The following DPH6 variants were observed in gnomAD, a reference collection of about 807,000 sequenced individuals.
DPH6 encodes diphthamine biosynthesis 6, also known as diphthine--ammonia ligase.
DPH6 carries 33 observed loss-of-function variants against 38.2 expected under a neutral mutation model. The observed-to-expected ratio is 0.86, with a 90% CI of 0.65 to 1.15. The LOEUF is 1.15. Among genes scored for constraint, DPH6 ranks in the 50% most tolerant of loss-of-function variants. DPH6 has a pLI of 0.00. For missense variants in DPH6, 325 were observed against 320.0 expected (o/e 1.02, Z -0.12); for synonymous variants, 108 against 103.0 (o/e 1.05, Z -0.30).
rs577331103 is a variant in DPH6 at position 35,536,995 on chromosome 15, G to A, written c.312+1279C>T. 2.6e-5 allele frequency among the ~76,000 whole-genome samples: 4 copies of A among 152,086 alleles called. No individual in the cohort carries two copies. In the East Asian group the frequency reaches 7.7e-4, roughly 29 times the overall value. ...TACTTCTTATGCTATCTATAACTAAGCAGAAAATTTTGGAACTACTCTAAG... is the reference window on the plus strand; with the variant it reads ...TACTTCTTATGCTATCTATAACTAAACAGAAAATTTTGGAACTACTCTAAG... On this transcript the variant is annotated intron_variant, in intron 3 of 8. Transcript: ENST00000256538.
chr15:35,463,858 T>A (rs1244856531), intron 3 of DPH6, among the ~76,000 whole-genome samples: 3 of 152,182 alleles, frequency 2.0e-5, no homozygotes, highest in Non-Finnish European at 4.4e-5. Context: ...ATTCATATAT[T>A]TATCAAACAG....
chr15:35,146,966 ATC>A, the DPH6 span, among the ~76,000 whole-genome samples: 1 of 152,138 alleles, frequency 6.6e-6, no homozygotes, highest in African/African-American at 2.4e-5. Flanking sequence ...AACACTCCTG[ATC>A]TCTTTTTCTG....
At chr15:35,299,460 C>T (rs936643202) in intron 3 of DPH6, 5 of 770,586 alleles carry the variant, frequency 6.5e-6, no homozygotes, top group Admixed American at 1.7e-5. Context: ...GGTTTAATGC[C>T]GGCCCGCCCG....
chr15:35,394,733 A>G (rs1447292169), intron 6 of DPH6, among the ~76,000 whole-genome samples: 1 of 152,234 alleles, frequency 6.6e-6, no homozygotes, highest in African/African-American at 2.4e-5. Context: ...AGATGACAAT[A>G]GTACCAACCT....
intron 3 of DPH6, among the ~76,000 whole-genome samples, chr15:35,285,367 G>A (rs1237345378): frequency 6.6e-6 from 1 of 152,190 alleles, no homozygotes; most frequent in Admixed American, 6.5e-5. Context: ...AAACATGGGG[G>A]CGGGTCTTTC....
At chr15:35,215,928 C>T (rs984605379), downstream of DPH6, among the ~76,000 whole-genome samples, 1 of 152,220 alleles carries the variant, frequency 6.6e-6, no homozygotes, top group Non-Finnish European at 1.5e-5. Flanking sequence ...GTCTTAACTA[C>T]TAAGTCATAT....
intron 5 of DPH6, among the ~76,000 whole-genome samples, chr15:35,442,066 T>C (rs1285873594): frequency 1.3e-5 from 2 of 151,704 alleles, no homozygotes; most frequent in Admixed American, 6.6e-5. Flanking sequence ...ATGTTTATGC[T>C]TCAAAGGACA....
intron 3 of DPH6, among the ~76,000 whole-genome samples, chr15:35,305,552 G>T (rs1215671632): frequency 6.6e-6 from 1 of 151,910 alleles, no homozygotes; most frequent in African/African-American, 2.4e-5. Flanking sequence ...CTCTTGACTT[G>T]CCATAAAACC....
chr15:35,514,100 T>C (rs971189789), intron 3 of DPH6, among the ~76,000 whole-genome samples: 1 of 152,036 alleles, frequency 6.6e-6, no homozygotes, highest in African/African-American at 2.4e-5. Flanking sequence ...TTTGCATACA[T>C]AGTAGGGACT....
At chr15:35,161,072 ATGGC>A in the DPH6 span, among the ~76,000 whole-genome samples, 1 of 152,000 alleles carries the variant, frequency 6.6e-6, no homozygotes, top group Admixed American at 6.6e-5. Context: ...GCACACCAAC[ATGGC>A]ACATGTATAC....
intron 3 of DPH6, among the ~76,000 whole-genome samples, chr15:35,322,378 A>T (rs1342732380): frequency 6.6e-6 from 1 of 152,352 alleles, no homozygotes; most frequent in East Asian, 1.9e-4. Context: ...ACTATAAACT[A>T]AATTCCTCCC....
intron 3 of DPH6, among the ~76,000 whole-genome samples, chr15:35,483,725 A>G (rs113553577): frequency 0.02 from 3,090 of 152,320 alleles, 47 homozygotes; most frequent in Non-Finnish European, 0.028. Flanking sequence ...ACATGTCCAC[A>G]TAACTTATAT....
chr15:35,221,238 C>G (rs772625802), intron 3 of DPH6, among the ~76,000 whole-genome samples: 9 of 152,240 alleles, frequency 5.9e-5, no homozygotes, highest in Non-Finnish European at 1.2e-4. Context: ...TCTGCTCATG[C>G]AGCAGCTATC....
chr15:35,283,758 A>G (rs1432163018), intron 3 of DPH6, among the ~76,000 whole-genome samples: 10 of 48,374 alleles, frequency 2.1e-4, no homozygotes, highest in Admixed American at 1.9e-3. Context: ...CACAGATAGT[A>G]CACACACACA....
At chr15:35,170,391 T>C in the DPH6 span, among the ~76,000 whole-genome samples, 2 of 152,194 alleles carry the variant, frequency 1.3e-5, no homozygotes. Context: ...AAGCCCTTTC[T>C]GTAAAATGCT....
At chr15:35,174,907 T>TA in the DPH6 span, among the ~76,000 whole-genome samples, 2 of 151,640 alleles carry the variant, frequency 1.3e-5, no homozygotes, top group East Asian at 1.9e-4. Context: ...ATATGTAATT[T>TA]AAAAAATATG....
intron 6 of DPH6, among the ~76,000 whole-genome samples, chr15:35,385,221 G>C (rs1240935340): frequency 6.6e-6 from 1 of 152,104 alleles, no homozygotes; most frequent in Non-Finnish European, 1.5e-5. Context: ...GATTCCTCAA[G>C]GATCTAGAAT....
intron 5 of DPH6, among the ~76,000 whole-genome samples, chr15:35,428,933 T>C (rs1009128004): frequency 6.6e-5 from 10 of 152,126 alleles, no homozygotes; most frequent in African/African-American, 2.2e-4. Flanking sequence ...GTAGGAAATA[T>C]AGAAAAACAT....
At chr15:35,386,771 T>TGG (rs1435104880) in intron 6 of DPH6, among the ~76,000 whole-genome samples, 10 of 151,406 alleles carry the variant, frequency 6.6e-5, no homozygotes, top group African/African-American at 2.4e-4. Context: ...GTTGCAAAAA[T>TGG]TTTCTCCCAT....
Sources: gnomAD v4.1 joint callset for allele counts (sites outside exome capture counted in the v4.1 genomes callset) on GRCh38, gnomAD v4.1.1 for gene constraint, MANE v1.5 for transcripts, NCBI Gene and HGNC (gene_info 2026-07-23, HGNC 2026-07-21) for gene names.